POU5F1: variants seen among roughly 807,000 people sequenced by gnomAD.
POU5F1 encodes the protein POU class 5 homeobox 1, also known as POU domain, class 5, transcription factor 1.
Under a neutral mutation model 38.3 loss-of-function variants are expected in POU5F1, and 6 were observed. The ratio of observed to expected loss-of-function variants is 0.16; its 90% CI spans 0.09 to 0.31. POU5F1 has a LOEUF of 0.31. Ranked by LOEUF, POU5F1 falls within the 10% of genes least tolerant of loss-of-function variation. The pLI is 1.00. For missense variants in POU5F1, 286 were observed against 462.6 expected, an observed-to-expected ratio of 0.62 and a Z score of 3.50; for synonymous variants, 147 against 194.9, an observed-to-expected ratio of 0.75 and a Z score of 2.05.
At position 31,165,769 on chromosome 6, in the gene POU5F1, C is replaced by A; in HGVS notation, c.527-68G>T. The A allele has an allele frequency of 6.4e-7, 1 of 1,570,194 alleles. No individual in the cohort carries two copies. The highest frequency in any genetic ancestry group is 1.4e-5 in the African/African-American group (1 of 73,696). On this transcript the variant is annotated intron_variant, in intron 2 of 4. Transcript: ENST00000259915. This position sits in a 1 kb window ranked among gnomAD's most constrained non-coding sequence, Gnocchi z 6.5. ...GCAGGGCCCTTGTGACCCTGAGATC[C>A]AAGCTTACCACCTCTTCCCAGAGGG...
At chr6:31,170,136 G>C in intron 1 of POU5F1, 80 bp downstream of exon 1, 1 of 1,607,910 alleles carries the variant, frequency 6.2e-7, no homozygotes, top group Non-Finnish European at 8.5e-7. Context: ...GGTCTGGGCA[G>C]CTGCAGGTGA....
chr6:31,166,342 G>GAGA lies in POU5F1; in HGVS notation c.406-298_406-296dup, dbSNP rs67257409. ...GGACAGAAAGAGAGACCCTGGCCTC[G>GAGA]AGAACACCTGTCAGGTTATGAAGGT... is the stretch of plus-strand genomic sequence containing the variant. On this transcript the variant is annotated intron_variant, in intron 1 of 4. Transcript: ENST00000259915. 8 of 1,293,460 alleles carry GAGA rather than the reference G, an allele frequency of 6.2e-6. 1 individual carries two copies. In the South Asian group the frequency reaches 6.4e-5, roughly 10 times the overall value. 80.1% of individuals were successfully genotyped at this position (1,293,460 alleles called of 1,614,324 possible). A position where few individuals can be genotyped will look rare whatever the true frequency, so the allele number is the denominator to read the frequency against.
chr6:31,167,025 A>C, intron 1 of POU5F1: 4 of 681,518 alleles, frequency 5.9e-6, no homozygotes, highest in Non-Finnish European at 9.7e-6. Flanking sequence ...TTTAAATTCA[A>C]GAGATTTATC....
chr6:31,165,335 G>A lies in POU5F1; in HGVS notation c.658-49C>T, dbSNP rs770883751. 4.4e-6 allele frequency: 7 copies of A among 1,592,724 alleles called. No homozygotes were observed. In the Admixed American group the frequency reaches 1.2e-4, roughly 28 times the overall value. On this transcript the variant is annotated intron_variant, in intron 3 of 4. Transcript: ENST00000259915. This position sits in a 1 kb window ranked among gnomAD's most constrained non-coding sequence, Gnocchi z 6.5. ...CAAGGGCAAGCTTTGGACTTGCTGAGTAACAGCATCACAGGGGTCTGTGAC... is the reference window on the plus strand; with the variant it reads ...CAAGGGCAAGCTTTGGACTTGCTGAATAACAGCATCACAGGGGTCTGTGAC...
intron 1 of POU5F1, chr6:31,170,011 C>G: frequency 5.1e-6 from 4 of 782,008 alleles, no homozygotes; most frequent in Non-Finnish European, 8.0e-6. Flanking sequence ...GTTGTCTCTT[C>G]GAAATCCAGC....
Position 31,170,633 on chromosome 6 carries a change from C to A in POU5F1, c.-13G>T, listed in dbSNP as rs753905289. 1.4e-5 allele frequency: 21 copies of A among 1,542,596 alleles called. No homozygotes were observed. Among genetic ancestry groups the A allele is most frequent in the Non-Finnish European group, 1.8e-5 (21 of 1,143,382 alleles). On this transcript the variant is annotated 5_prime_UTR_variant, in exon 1 of 5. Transcript: ENST00000259915. ...GGTGTCCCGCCATGGGGAAGGAAGG[C>A]GCCCCAAGCCGGGGGCCTGGTGAAA...
In POU5F1 at chr6:31,165,423, G is replaced by A; in HGVS notation, c.658-137C>T. The stretch of plus-strand genomic sequence containing the variant: ...GCAGGATCCTGGAAGGGTTGGCTCT[G>A]GACCTTATCCCAGCAGAACTGAGGA... On this transcript the variant is annotated intron_variant, in intron 3 of 4. Transcript: ENST00000259915. The surrounding 1 kb of genome is among the most constrained non-coding windows in gnomAD (Gnocchi z 6.5). 3 of 1,564,230 alleles carry A rather than the reference G, an allele frequency of 1.9e-6. No individual in the cohort carries two copies. Among genetic ancestry groups the A allele is most frequent in the Non-Finnish European group, 2.6e-6 (3 of 1,152,070 alleles).
intron 1 of POU5F1, chr6:31,166,560 G>A (rs1777272508): frequency 3.1e-6 from 3 of 973,764 alleles, no homozygotes; most frequent in Admixed American, 7.1e-5. Flanking sequence ...TCAGGAGGCT[G>A]AGGCAGGAGA....
At chr6:31,169,935 G>A (rs61465271) in intron 1 of POU5F1, 60,744 of 449,926 alleles carry the variant, frequency 0.14, 4,067 homozygotes, top group East Asian at 0.23. Flanking sequence ...GACAAGGGCT[G>A]GGCCAGAGCA....
intron 1 of POU5F1, among the ~76,000 whole-genome samples, chr6:31,168,004 G>A (rs565167550): frequency 1.3e-5 from 2 of 152,160 alleles, no homozygotes; most frequent in Non-Finnish European, 2.9e-5. Context: ...GTGCTGTGGC[G>A]TGATCTTGGC....
At chr6:31,168,238 CT>C (rs9279006) in intron 1 of POU5F1, among the ~76,000 whole-genome samples, 36,349 of 122,730 alleles carry the variant, frequency 0.3, 4,844 homozygotes, top group Middle Eastern at 0.41. Flanking sequence ...CTAGCCTCAC[CT>C]TTTTTTTTTT....
intron 1 of POU5F1, 65 bp downstream of exon 1, chr6:31,170,151 T>C: frequency 6.2e-7 from 1 of 1,611,140 alleles, no homozygotes; most frequent in Non-Finnish European, 8.5e-7. Context: ...AGGTGACCAC[T>C]TCCCCATCAG....
intron 1 of POU5F1, chr6:31,166,713 C>T: frequency 8.5e-7 from 1 of 1,172,762 alleles, no homozygotes; most frequent in African/African-American, 1.6e-5. Flanking sequence ...TTCTCTCACT[C>T]AAGTATCACC....
Position 31,164,359 on chromosome 6 carries a change from C to G in POU5F1, c.*242G>C. 8.5e-7 allele frequency: 1 copy of G among 1,171,836 alleles called. No homozygotes were observed. Among genetic ancestry groups the G allele is most frequent in the Non-Finnish European group, 1.2e-6 (1 of 850,412 alleles). The allele number at this position is 1,171,836 out of a possible 1,614,324, so 72.6% of individuals were successfully genotyped here. A position where few individuals can be genotyped will look rare whatever the true frequency, so the allele number is the denominator to read the frequency against. ...AGATAAGTGTGTCTATCTACTGTGT[C>G]CCAGGCTTCTTTATTTAAGAAAAAA... On this transcript the variant is annotated 3_prime_UTR_variant, in exon 5 of 5. Transcript: ENST00000259915.
At chr6:31,166,188 C>G (rs763461206) in intron 1 of POU5F1, 141 bp from the exon 2 acceptor site, 1 of 1,584,930 alleles carries the variant, frequency 6.3e-7, no homozygotes, top group African/African-American at 1.4e-5. Context: ...AGCTGCCCAC[C>G]TAACTTCTAG....
Position 31,165,502 on chromosome 6 carries a change from C to T in POU5F1, c.657+69G>A. On this transcript the variant is annotated intron_variant, in intron 3 of 4. Coordinates refer to ENST00000259915, the MANE Select transcript of POU5F1 (RefSeq NM_002701.6). This position sits in a 1 kb window ranked among gnomAD's most constrained non-coding sequence, Gnocchi z 6.5. ...GCACCAAAGACGGAGAGCTACGAGC[C>T]AGTGATGGAAGCAATGGAAATTAGG... 1 of 1,609,546 alleles carries T rather than the reference C, an allele frequency of 6.2e-7. No individual in the cohort carries two copies. Among genetic ancestry groups the T allele is most frequent in the Non-Finnish European group, 8.5e-7 (1 of 1,178,474 alleles).
rs2151103815 is a variant in POU5F1 at position 31,165,823 on chromosome 6, C to A, written c.526+104G>T. The A allele has an allele frequency of 1.3e-6, 2 of 1,543,246 alleles. No individual in the cohort carries two copies. Among genetic ancestry groups the A allele is most frequent in the Non-Finnish European group, 1.7e-6 (2 of 1,146,330 alleles). ...TCAAAGCATCTTCTCCCTCTCCCTA[C>A]TCCTCTTCATGGGTGAGGGTAGTCT... On this transcript the variant is annotated intron_variant, in intron 2 of 4. Transcript: ENST00000259915. The surrounding 1 kb of genome is among the most constrained non-coding windows in gnomAD (Gnocchi z 6.5).
chr6:31,166,009 T>C lies in POU5F1; in HGVS notation c.444A>G (p.Gln148=), dbSNP rs150320288. The C allele has an allele frequency of 1.9e-5, 30 of 1,614,066 alleles. No individual in the cohort carries two copies. The African/African-American group carries it at 3.6e-4, about 19-fold the overall frequency. Residue 148 remains glutamine (Q), a synonymous_variant, in exon 2 of 5, where the codon CAA becomes CAG. Coordinates refer to ENST00000259915, the MANE Select transcript of POU5F1 (RefSeq NM_002701.6). The part of the protein sequence containing the change: ...DIKALQKELE[Q]FAKLLKQKRI... ...TCTTCTGCTTCAGGAGCTTGGCAAA[T>C]TGCTCGAGTTCTTTCTGCAGAGCTT...
In POU5F1 at chr6:31,165,394, A is replaced by G; in HGVS notation, c.658-108T>C. The stretch of plus-strand genomic sequence containing the variant: ...TCAGCAGAGCCAGGTGGTGGTGTGA[A>G]AAGGCAGGATCCTGGAAGGGTTGGC... On this transcript the variant is annotated intron_variant, in intron 3 of 4. Coordinates refer to ENST00000259915, the MANE Select transcript of POU5F1 (RefSeq NM_002701.6). The surrounding 1 kb of genome is among the most constrained non-coding windows in gnomAD (Gnocchi z 6.5). 1 of 1,562,512 alleles carries G rather than the reference A, an allele frequency of 6.4e-7. No homozygotes were observed. Among genetic ancestry groups the G allele is most frequent in the South Asian group, 1.2e-5 (1 of 86,432 alleles).
Sources: gnomAD v4.1 joint callset for allele counts (sites outside exome capture counted in the v4.1 genomes callset) on GRCh38, gnomAD v4.1.1 for gene constraint, Gnocchi (gnomAD v3.1) non-coding constraint, MANE v1.5 for transcripts, NCBI Gene and HGNC (gene_info 2026-07-23, HGNC 2026-07-21) for gene names.